RORA: variants seen among roughly 807,000 people sequenced by gnomAD.
RORA encodes RAR related orphan receptor A, also known as nuclear receptor ROR-alpha.
RORA carries 7 observed loss-of-function variants against 69.5 expected under a neutral mutation model. The ratio of observed to expected loss-of-function variants is 0.10; its 90% CI spans 0.06 to 0.19. RORA has a LOEUF of 0.19. RORA is among the 10% of genes least tolerant of loss of function. The probability of loss-of-function intolerance (pLI) is 1.00; values close to 1 mark genes in which losing one functional copy is unlikely to be tolerated. For missense variants in RORA, 457 were observed against 663.0 expected (o/e 0.69, Z 3.41); for synonymous variants, 261 against 240.8 (o/e 1.08, Z -0.78).
intron 1 of RORA, among the ~76,000 whole-genome samples, chr15:60,824,347 T>C (rs930480502): frequency 1.3e-5 from 2 of 152,196 alleles, no homozygotes; most frequent in Non-Finnish European, 2.9e-5. Flanking sequence ...TGGATATGAT[T>C]TGGGGGTTCA....
At chr15:60,801,236 T>C (rs2140357757) in intron 1 of RORA, among the ~76,000 whole-genome samples, 1 of 152,324 alleles carries the variant, frequency 6.6e-6, no homozygotes, top group African/African-American at 2.4e-5. Flanking sequence ...CAATTAGGAA[T>C]TACAGAAAAC....
At chr15:60,701,330 A>G (rs1448592689) in intron 1 of RORA, among the ~76,000 whole-genome samples, 5 of 152,320 alleles carry the variant, frequency 3.3e-5, no homozygotes, top group African/African-American at 9.6e-5. Context: ...TTAGCTTCCT[A>G]GAAGTAGTGT....
At chr15:60,915,388 C>A (rs973351540) in intron 1 of RORA, among the ~76,000 whole-genome samples, 1 of 152,248 alleles carries the variant, frequency 6.6e-6, no homozygotes, top group Non-Finnish European at 1.5e-5. Context: ...ACTGATTCCA[C>A]TGGGGGGGCA....
intron 1 of RORA, among the ~76,000 whole-genome samples, chr15:60,987,097 G>T (rs970102035): frequency 6.6e-6 from 1 of 152,158 alleles, no homozygotes; most frequent in Non-Finnish European, 1.5e-5. Flanking sequence ...ACATAACAAG[G>T]GATATGATGA....
chr15:61,214,358 A>T (rs1180359061), intron 1 of RORA: 1 of 152,236 alleles, frequency 6.6e-6, no homozygotes, highest in African/African-American at 2.4e-5. Flanking sequence ...GATACTGTCT[A>T]CTATCTCCTT....
chr15:60,748,801 C>T (rs2071683671), intron 1 of RORA, among the ~76,000 whole-genome samples: 1 of 152,128 alleles, frequency 6.6e-6, no homozygotes, highest in Non-Finnish European at 1.5e-5. Flanking sequence ...TTCAGCAACA[C>T]CTCCCTGTTT....
intron 1 of RORA, among the ~76,000 whole-genome samples, chr15:61,084,942 A>T (rs2078600510): frequency 6.6e-6 from 1 of 151,308 alleles, no homozygotes; most frequent in African/African-American, 2.4e-5. Flanking sequence ...GCCTGGCTGA[A>T]TTATCCCCAA....
intron 1 of RORA, among the ~76,000 whole-genome samples, chr15:61,052,904 C>T (rs1366384685): frequency 2.0e-5 from 3 of 152,112 alleles, no homozygotes; most frequent in African/African-American, 7.2e-5. Context: ...AGCTGTTCGC[C>T]GGTACAAGAT....
At chr15:60,528,726 TAGTA>T in intron 3 of RORA, 1 of 152,284 alleles carries the variant, frequency 6.6e-6, no homozygotes, top group Middle Eastern at 3.4e-3. Context: ...AGCTAACACT[TAGTA>T]AGTGCTTGTG....
At chr15:61,164,936 G>A (rs1174336479) in intron 1 of RORA, among the ~76,000 whole-genome samples, 1 of 152,168 alleles carries the variant, frequency 6.6e-6, no homozygotes, top group Non-Finnish European at 1.5e-5. Flanking sequence ...CAGCACAGCA[G>A]AGAACCTTTT....
intron 1 of RORA, among the ~76,000 whole-genome samples, chr15:60,695,808 G>A (rs954543793): frequency 6.6e-6 from 1 of 152,018 alleles, no homozygotes; most frequent in African/African-American, 2.4e-5. Flanking sequence ...GTACACGGAG[G>A]AAGCAAGTAA....
intron 1 of RORA, among the ~76,000 whole-genome samples, chr15:61,038,661 T>C (rs73424330): frequency 0.018 from 2,765 of 152,336 alleles, 86 homozygotes; most frequent in African/African-American, 0.062. Context: ...CAGCACTGCA[T>C]TGTGTTTGCT....
chr15:61,166,253 A>C (rs573044118), intron 1 of RORA, among the ~76,000 whole-genome samples: 3 of 152,288 alleles, frequency 2.0e-5, no homozygotes, highest in African/African-American at 7.2e-5. Flanking sequence ...GACAGTATTC[A>C]CGATCTATTA....
At chr15:60,959,313 C>G (rs1392088498) in intron 1 of RORA, among the ~76,000 whole-genome samples, 1 of 152,138 alleles carries the variant, frequency 6.6e-6, no homozygotes, top group African/African-American at 2.4e-5. Flanking sequence ...CTGAAACATT[C>G]AAATAATTTC....
chr15:60,663,971 G>A (rs2070343992), intron 2 of RORA, among the ~76,000 whole-genome samples: 1 of 152,126 alleles, frequency 6.6e-6, no homozygotes, highest in Non-Finnish European at 1.5e-5. Flanking sequence ...TAAAGCACTA[G>A]GAAAATCTGT....
At chr15:61,153,300 C>A (rs1012523149) in intron 1 of RORA, among the ~76,000 whole-genome samples, 51 of 152,180 alleles carry the variant, frequency 3.4e-4, no homozygotes, top group African/African-American at 1.1e-3. Context: ...TAAGGCTACA[C>A]CATGTATACC....
chr15:60,525,885 T>C (rs1482384403), intron 3 of RORA, among the ~76,000 whole-genome samples: 1 of 152,098 alleles, frequency 6.6e-6, no homozygotes, highest in Admixed American at 6.5e-5. Flanking sequence ...AAGGAAGAAA[T>C]ATCTCTGGAT....
intron 1 of RORA, among the ~76,000 whole-genome samples, chr15:61,019,512 A>C (rs1356114530): frequency 6.6e-6 from 1 of 152,162 alleles, no homozygotes; most frequent in African/African-American, 2.4e-5. Context: ...GGACAGTGGA[A>C]GGTTTTGTCT....
At chr15:60,768,838 T>A (rs558003170) in intron 1 of RORA, among the ~76,000 whole-genome samples, 1 of 152,318 alleles carries the variant, frequency 6.6e-6, no homozygotes, top group East Asian at 1.9e-4. Flanking sequence ...CAATGATGTG[T>A]CTTCTCCACA....
Sources: gnomAD v4.1 joint callset for allele counts (sites outside exome capture counted in the v4.1 genomes callset) on GRCh38, gnomAD v4.1.1 for gene constraint, MANE v1.5 for transcripts, NCBI Gene and HGNC (gene_info 2026-07-23, HGNC 2026-07-21) for gene names.